ADK: variants seen among roughly 807,000 people sequenced by gnomAD.
The protein encoded by ADK is adenosine kinase.
ADK carries 24 observed loss-of-function variants against 44.7 expected under a neutral mutation model. That is an observed-to-expected ratio of 0.54 (90% CI 0.39 to 0.76). The LOEUF is 0.76. Ranked by LOEUF, ADK falls within the 30% of genes least tolerant of loss-of-function variation. ADK has a pLI of 0.00. For synonymous variants in ADK, 128 were observed against 142.6 expected, an observed-to-expected ratio of 0.90 and a Z score of 0.73; for missense variants, 321 against 425.1, an observed-to-expected ratio of 0.76 and a Z score of 2.15.
At chr10:74,600,805 C>T (rs1852094971) in intron 9 of ADK, among the ~76,000 whole-genome samples, 2 of 151,718 alleles carry the variant, frequency 1.3e-5, no homozygotes, top group Admixed American at 1.3e-4. Flanking sequence ...TATAAAATAC[C>T]TGCACTAGAG....
intron 6 of ADK, among the ~76,000 whole-genome samples, chr10:74,448,347 C>G (rs1234567090): frequency 2.0e-5 from 3 of 152,006 alleles, no homozygotes; most frequent in Admixed American, 2.0e-4. Flanking sequence ...ACCTATTAGC[C>G]GTATGACCTT....
At chr10:74,539,799 C>T (rs774168338) in intron 7 of ADK, among the ~76,000 whole-genome samples, 8 of 152,190 alleles carry the variant, frequency 5.3e-5, no homozygotes, top group East Asian at 1.9e-4. Flanking sequence ...ACTGTAACTT[C>T]GTAAAATTGC....
intron 6 of ADK, among the ~76,000 whole-genome samples, chr10:74,439,549 A>C (rs1258294716): frequency 6.6e-6 from 1 of 152,164 alleles, no homozygotes; most frequent in Non-Finnish European, 1.5e-5. Context: ...GTTTTGACAC[A>C]AAAGAGTTTA....
chr10:74,299,358 G>T (rs1248194951), intron 3 of ADK, among the ~76,000 whole-genome samples: 3 of 150,086 alleles, frequency 2.0e-5, no homozygotes, highest in Non-Finnish European at 4.4e-5. Flanking sequence ...AATTAGCAGC[G>T]TGTGGTGGCA....
intron 10 of ADK, among the ~76,000 whole-genome samples, chr10:74,702,857 A>G (rs1201707943): frequency 6.6e-6 from 1 of 152,132 alleles, no homozygotes; most frequent in South Asian, 2.1e-4. Flanking sequence ...TCGGACTCCC[A>G]AAGTGTTGGG....
At chr10:74,435,120 A>G (rs1845137607) in intron 6 of ADK, among the ~76,000 whole-genome samples, 1 of 152,190 alleles carries the variant, frequency 6.6e-6, no homozygotes, top group Non-Finnish European at 1.5e-5. Flanking sequence ...AGGTTTGCTT[A>G]AAGATATAAG....
At chr10:74,395,011 C>T (rs11001028) in intron 5 of ADK, among the ~76,000 whole-genome samples, 98,142 of 152,008 alleles carry the variant, frequency 0.65, 32,992 homozygotes, top group Middle Eastern at 0.8. Context: ...TATTCATGCA[C>T]TGCTAACGTT....
At chr10:74,160,780 T>C (rs1841875679) in intron 1 of ADK, among the ~76,000 whole-genome samples, 2 of 74,150 alleles carry the variant, frequency 2.7e-5, no homozygotes, top group Admixed American at 2.7e-4. Flanking sequence ...ATTGTTCGTA[T>C]ATGGGGGGAA....
intron 1 of ADK, among the ~76,000 whole-genome samples, chr10:74,173,650 C>T (rs796811212): frequency 9.2e-5 from 14 of 151,854 alleles, no homozygotes; most frequent in African/African-American, 2.9e-4. Context: ...AGGCTGGTCT[C>T]GAACTCCTGA....
chr10:74,670,858 G>C (rs958609609), intron 10 of ADK, among the ~76,000 whole-genome samples: 1 of 151,920 alleles, frequency 6.6e-6, no homozygotes, highest in African/African-American at 2.4e-5. Flanking sequence ...TGATGACTTA[G>C]ATTGATCTAA....
chr10:74,203,703 T>C (rs568981380), intron 2 of ADK, among the ~76,000 whole-genome samples: 45 of 152,032 alleles, frequency 3.0e-4, no homozygotes, highest in African/African-American at 8.4e-4. Flanking sequence ...TTACTGTAGC[T>C]TTGTAGTAAA....
intron 4 of ADK, among the ~76,000 whole-genome samples, chr10:74,317,384 A>G (rs1421698825): frequency 6.6e-6 from 1 of 152,140 alleles, no homozygotes; most frequent in Admixed American, 6.5e-5. Flanking sequence ...TTACTTTGTC[A>G]GTTTTTAAAA....
chr10:74,554,429 T>TAA (rs1850161190), intron 7 of ADK, among the ~76,000 whole-genome samples: 2 of 152,132 alleles, frequency 1.3e-5, no homozygotes, highest in Admixed American at 1.3e-4. Context: ...GTTATATATA[T>TAA]AATAATTGCA....
intron 7 of ADK, among the ~76,000 whole-genome samples, chr10:74,558,072 G>A (rs750915511): frequency 6.6e-6 from 1 of 152,046 alleles, no homozygotes. Flanking sequence ...ATAGCCCACA[G>A]GTGTGACTCT....
At chr10:74,276,643 G>C (rs1020630889) in intron 3 of ADK, among the ~76,000 whole-genome samples, 2 of 152,148 alleles carry the variant, frequency 1.3e-5, no homozygotes, top group African/African-American at 4.8e-5. Context: ...AGGCTCTAGG[G>C]GTGAATGTTT....
chr10:74,482,212 G>C lies in ADK; in HGVS notation c.556-43044G>C, dbSNP rs527926154. On this transcript the variant is annotated intron_variant, in intron 6 of 10. Coordinates refer to ENST00000539909, the MANE Select transcript of ADK (RefSeq NM_006721.4). ...CTCTACAGGAAATGTGGCTGGGGAG[G>C]CCTCAGGAAACTTTCAATCATGGCA... Among the ~76,000 whole-genome samples the C allele has an allele frequency of 3.9e-5, 6 of 152,272 alleles. No individual in the cohort carries two copies. In the South Asian group the frequency reaches 8.3e-4, roughly 21 times the overall value.
At chr10:74,277,616 G>T (rs1347070453) in intron 3 of ADK, among the ~76,000 whole-genome samples, 1 of 151,872 alleles carries the variant, frequency 6.6e-6, no homozygotes, top group African/African-American at 2.4e-5. Context: ...AGCCCGGATG[G>T]TCTCGATCTC....
At chr10:74,194,125 T>C (rs1028409997) in intron 1 of ADK, among the ~76,000 whole-genome samples, 14 of 152,012 alleles carry the variant, frequency 9.2e-5, no homozygotes, top group African/African-American at 3.4e-4. Flanking sequence ...GTGGAAGCCC[T>C]TGGGTAGGAG....
In ADK at chr10:74,525,400, G is replaced by A. The variant is rs1308517771; in HGVS notation, c.700G>A (p.Val234Ile). 1.2e-6 allele frequency: 2 copies of A among 1,613,148 alleles called. No individual in the cohort carries two copies. Among genetic ancestry groups the A allele is most frequent in the East Asian group, 4.5e-5 (2 of 44,774 alleles). The change falls in exon 7 of 11, where the codon GTT (valine) becomes ATT (isoleucine). Residue 234 changes from valine (V) to isoleucine (I), a missense_variant. Physicochemically the swap from Val to Ile is conservative, Grantham distance 29. Transcript: ENST00000539909. ...KESLMKVMPY[V>I]DILFGNETEA... ...ATCATTGATGAAAGTTATGCCTTAT[G>A]TTGATATACTTTTTGGAAATGAGAC...
Sources: allele counts gnomAD v4.1 joint callset (sites outside exome capture counted in the v4.1 genomes callset), GRCh38; gene constraint gnomAD v4.1.1; transcripts MANE v1.5; gene names NCBI Gene and HGNC (gene_info 2026-07-23, HGNC 2026-07-21).